Variants in MANBA observed in about 807,000 individuals in gnomAD.
The protein encoded by MANBA is mannosidase beta, also known as beta-mannosidase.
A neutral mutation model predicts 111.1 loss-of-function variants in MANBA; 83 were observed. The ratio of observed to expected loss-of-function variants is 0.75; its 90% CI spans 0.63 to 0.90. MANBA has a LOEUF of 0.90. Ranked by LOEUF, MANBA falls within the 40% of genes least tolerant of loss-of-function variation. MANBA has a pLI of 0.00. For missense variants in MANBA, 1,036 were observed against 1,069.0 expected, an observed-to-expected ratio of 0.97 and a Z score of 0.43; for synonymous variants, 370 against 378.7, an observed-to-expected ratio of 0.98 and a Z score of 0.27.
chr4:102,671,429 A>G, intron 8 of MANBA, 31 bp from the exon 9 acceptor site: 3 of 1,328,966 alleles, frequency 2.3e-6, no homozygotes, highest in South Asian at 1.2e-5. Context: ...ACAAATCATA[A>G]TTTGGAAAAA....
At position 102,636,023 on chromosome 4, in the gene MANBA, A is replaced by C. The variant is rs548209583; in HGVS notation, c.2015-16T>G. On this transcript the variant is annotated splice_polypyrimidine_tract_variant and intron_variant, in intron 14 of 16. Coordinates refer to ENST00000647097, the MANE Select transcript of MANBA (RefSeq NM_005908.4). ...CCTCCGTACTCTGAAAATAATCAAG[A>C]GTGTCAGGAGACGGCAAGGTCAAGT... is the stretch of plus-strand genomic sequence containing the variant. The C allele has an allele frequency of 1.2e-6, 2 of 1,612,478 alleles. No homozygotes were observed. The highest frequency in any genetic ancestry group is 1.7e-4 in the Middle Eastern group (1 of 6,058).
intron 5 of MANBA, among the ~76,000 whole-genome samples, chr4:102,705,291 A>T (rs1326130550): frequency 6.6e-6 from 1 of 152,160 alleles, no homozygotes; most frequent in East Asian, 1.9e-4. Context: ...GCTACAAGAT[A>T]TGCAATGGCA....
intron 13 of MANBA, among the ~76,000 whole-genome samples, chr4:102,644,281 CT>C (rs1730006685): frequency 6.6e-6 from 1 of 152,148 alleles, no homozygotes; most frequent in Non-Finnish European, 1.5e-5. Flanking sequence ...AGTCCCACTA[CT>C]GTGTATCTAT....
Position 102,634,804 on chromosome 4 carries a change from C to T in MANBA, c.2399G>A (p.Cys800Tyr), listed in dbSNP as rs1729542538. The T allele has an allele frequency of 1.2e-6, 2 of 1,613,864 alleles. No homozygotes were observed. Among genetic ancestry groups the T allele is most frequent in the Non-Finnish European group, 1.7e-6 (2 of 1,180,040 alleles). Residue 800 changes from cysteine to tyrosine, a missense_variant, in exon 16 of 17, where the codon TGC (cysteine) becomes TAC (tyrosine). Cys to Tyr is a radical substitution (Grantham distance 194). Transcript: ENST00000647097. ...TGTGCTTACAGTGATCTGCGCCTTG[C>T]AGAGCCCCACGGCCTCCTTCGGTGA... ...LSSPKEAVGL[C>Y]KAQITAIISQ... is the part of the protein sequence containing the mutation.
intron 1 of MANBA, chr4:102,728,867 C>A: frequency 2.5e-6 from 2 of 812,700 alleles, no homozygotes; most frequent in Middle Eastern, 3.5e-4. Flanking sequence ...CACACCAGAG[C>A]CAAAGCTGGG....
At chr4:102,729,942 T>G (rs552204303) in intron 1 of MANBA, 2 of 1,208,728 alleles carry the variant, frequency 1.7e-6, no homozygotes, top group Admixed American at 1.7e-5. Flanking sequence ...CACCTCCAGG[T>G]TAAGGGGGCT....
chr4:102,637,907 C>T (rs998845160), intron 14 of MANBA, among the ~76,000 whole-genome samples: 9 of 152,150 alleles, frequency 5.9e-5, no homozygotes, highest in African/African-American at 1.9e-4. Flanking sequence ...CCCAGACTTG[C>T]GACTGCTGTC....
chr4:102,652,207 T>C (rs148402413), intron 12 of MANBA, among the ~76,000 whole-genome samples: 1 of 152,332 alleles, frequency 6.6e-6, no homozygotes, highest in East Asian at 1.9e-4. Context: ...TCTTCCCATC[T>C]AGCTATACTT....
intron 13 of MANBA, among the ~76,000 whole-genome samples, chr4:102,642,297 G>T (rs976920974): frequency 6.6e-6 from 1 of 152,120 alleles, no homozygotes; most frequent in African/African-American, 2.4e-5. Context: ...GCAGACAAAT[G>T]AATTTTAGTT....
At chr4:102,641,325 T>C (rs982924966) in intron 13 of MANBA, among the ~76,000 whole-genome samples, 2 of 152,208 alleles carry the variant, frequency 1.3e-5, no homozygotes, top group African/African-American at 2.4e-5. Flanking sequence ...GGCCAGACCC[T>C]GGAAGGCCAC....
intron 1 of MANBA, among the ~76,000 whole-genome samples, chr4:102,739,822 C>A (rs1723339807): frequency 6.6e-6 from 1 of 152,190 alleles, no homozygotes; most frequent in South Asian, 2.1e-4. Flanking sequence ...TGCAACAGAT[C>A]CACAGCCAAC....
chr4:102,746,047 C>T (rs1560811831), intron 1 of MANBA, among the ~76,000 whole-genome samples: 2 of 152,136 alleles, frequency 1.3e-5, no homozygotes, highest in Non-Finnish European at 2.9e-5. Context: ...CTCCAGGCAG[C>T]GCATGGTTTA....
At chr4:102,745,670 AC>A (rs1393020388) in intron 1 of MANBA, among the ~76,000 whole-genome samples, 1 of 152,130 alleles carries the variant, frequency 6.6e-6, no homozygotes, top group Non-Finnish European at 1.5e-5. Flanking sequence ...AACTATTAGA[AC>A]CATTAAAACC....
chr4:102,722,666 G>C (rs1722630703), intron 4 of MANBA: 2 of 593,890 alleles, frequency 3.4e-6, no homozygotes. Context: ...CACGCTTCAG[G>C]AAGAAAACTT....
chr4:102,656,202 C>T (rs900187958), intron 12 of MANBA, among the ~76,000 whole-genome samples: 1 of 151,994 alleles, frequency 6.6e-6, no homozygotes, highest in South Asian at 2.1e-4. Context: ...TGCAGTGAGC[C>T]GTGACCACTC....
chr4:102,741,959 G>A (rs1420439317), intron 1 of MANBA, among the ~76,000 whole-genome samples: 1 of 152,154 alleles, frequency 6.6e-6, no homozygotes, highest in Non-Finnish European at 1.5e-5. Flanking sequence ...AAGGGTCTGG[G>A]CCATTTGTAG....
At chr4:102,647,045 G>A (rs965676450) in intron 13 of MANBA, among the ~76,000 whole-genome samples, 3 of 151,788 alleles carry the variant, frequency 2.0e-5, no homozygotes, top group Admixed American at 6.6e-5. Flanking sequence ...AAAGAACAGG[G>A]GTTGGAGTAG....
chr4:102,632,470 C>T lies in MANBA; in HGVS notation c.2416-189G>A, dbSNP rs115338402. On this transcript the variant is annotated intron_variant, in intron 16 of 16. Transcript: ENST00000647097. ...TGGAAAATGACTACAGGCTATGGAACGTTACCAAATTATAATCACAAATCA... is the reference window on the plus strand; with the variant it reads ...TGGAAAATGACTACAGGCTATGGAATGTTACCAAATTATAATCACAAATCA... Among the ~76,000 whole-genome samples the T allele has an allele frequency of 9.0e-3, 1,374 of 152,278 alleles. 16 individuals are homozygous for T. Among genetic ancestry groups the T allele is most frequent in the African/African-American group, 0.032 (1,320 of 41,546 alleles).
intron 4 of MANBA, 122 bp from the exon 5 acceptor site, chr4:102,714,683 A>G: frequency 1.1e-6 from 1 of 916,290 alleles, no homozygotes; most frequent in Non-Finnish European, 1.7e-6. Context: ...CAGCCATAAC[A>G]AAGTATCACA....
Sources: allele counts gnomAD v4.1 joint callset (sites outside exome capture counted in the v4.1 genomes callset), GRCh38; gene constraint gnomAD v4.1.1; transcripts MANE v1.5; gene names NCBI Gene and HGNC (gene_info 2026-07-23, HGNC 2026-07-21).